CCDC85A: variants seen among roughly 807,000 people sequenced by gnomAD.
CCDC85A encodes the protein coiled-coil domain-containing protein 85A.
In CCDC85A, 38 loss-of-function variants were observed where a neutral mutation model predicts 50.2. That is an observed-to-expected ratio of 0.76 (90% CI 0.58 to 0.99). The LOEUF (loss-of-function observed/expected upper bound fraction) is 0.99, where lower values mean the gene tolerates loss of function less well. Among genes scored for constraint, CCDC85A ranks in the 50% least tolerant of loss-of-function variants. The pLI, the probability that CCDC85A is intolerant of heterozygous loss-of-function variation, is 0.00. For synonymous variants in CCDC85A, 366 were observed against 301.4 expected, an observed-to-expected ratio of 1.21 and a Z score of -2.22; for missense variants, 820 against 742.0, an observed-to-expected ratio of 1.11 and a Z score of -1.22.
chr2:56,300,207 A>G (rs1351150768), intron 2 of CCDC85A, among the ~76,000 whole-genome samples: 1 of 152,148 alleles, frequency 6.6e-6, no homozygotes, highest in Non-Finnish European at 1.5e-5. Context: ...CAGCCCTCCT[A>G]TGGGGAAGGA....
At position 56,264,515 on chromosome 2, in the gene CCDC85A, C is replaced by T. The variant is rs975581879; in HGVS notation, c.1240+71075C>T. Among the ~76,000 whole-genome samples the T allele has an allele frequency of 6.6e-5, 10 of 152,280 alleles. 1 individual carries two copies. The highest frequency in any genetic ancestry group is 5.2e-4 in the Admixed American group (8 of 15,294). The stretch of plus-strand genomic sequence containing the variant: ...TTTCAAAACATATCCAGAATCCATT[C>T]ATTTGTTCTACCTATACTGCCAACA... On this transcript the variant is annotated intron_variant, in intron 2 of 5. Coordinates refer to ENST00000407595, the MANE Select transcript of CCDC85A (RefSeq NM_001080433.2).
chr2:56,199,457 A>T (rs1050246493), intron 2 of CCDC85A, among the ~76,000 whole-genome samples: 1 of 152,154 alleles, frequency 6.6e-6, no homozygotes, highest in African/African-American at 2.4e-5. Flanking sequence ...TGTATCTGTG[A>T]TTGGAGTAAG....
At chr2:56,326,018 T>TA (rs1288847456) in intron 2 of CCDC85A, among the ~76,000 whole-genome samples, 1 of 152,130 alleles carries the variant, frequency 6.6e-6, no homozygotes, top group Non-Finnish European at 1.5e-5. Context: ...AGTATAATGA[T>TA]AAGGAAGAGG....
intron 3 of CCDC85A, among the ~76,000 whole-genome samples, chr2:56,351,703 GT>G (rs1422413912): frequency 1.4e-4 from 21 of 147,944 alleles, no homozygotes; most frequent in Non-Finnish European, 1.8e-4. Flanking sequence ...GGGGTTGTTT[GT>G]TTTTTTCTTG....
At chr2:56,308,336 T>A (rs1367049046) in intron 2 of CCDC85A, among the ~76,000 whole-genome samples, 1 of 152,186 alleles carries the variant, frequency 6.6e-6, no homozygotes, top group Non-Finnish European at 1.5e-5. Flanking sequence ...GGGGGAACGT[T>A]CATCAACAAA....
upstream of CCDC85A, chr2:56,183,944 C>T (rs1675872841): frequency 1.0e-6 from 1 of 985,372 alleles, no homozygotes; most frequent in Non-Finnish European, 1.2e-6. Context: ...TTACGGGTGG[C>T]CCCAGCTCCA....
chr2:56,325,366 T>C (rs910774358), intron 2 of CCDC85A, among the ~76,000 whole-genome samples: 1 of 152,124 alleles, frequency 6.6e-6, no homozygotes, highest in Non-Finnish European at 1.5e-5. Flanking sequence ...TAAATATTGA[T>C]ATATATTCTC....
chr2:56,360,181 G>T (rs1675451364), intron 3 of CCDC85A, among the ~76,000 whole-genome samples: 1 of 152,224 alleles, frequency 6.6e-6, no homozygotes, highest in Admixed American at 6.5e-5. Context: ...TTAACCAAAT[G>T]CATTCACAAT....
intron 2 of CCDC85A, among the ~76,000 whole-genome samples, chr2:56,315,397 T>A (rs1251604462): frequency 6.6e-6 from 1 of 152,176 alleles, no homozygotes. Flanking sequence ...GTGACTTTTT[T>A]AGTGGTTGAA....
chr2:56,318,191 T>C (rs1673006258), intron 2 of CCDC85A, among the ~76,000 whole-genome samples: 3 of 152,082 alleles, frequency 2.0e-5, no homozygotes, highest in Admixed American at 2.0e-4. Flanking sequence ...TTCTTTCTTA[T>C]TGTGTTCTCT....
intron 1 of CCDC85A, among the ~76,000 whole-genome samples, chr2:56,190,518 A>T (rs1338928999): frequency 6.6e-6 from 1 of 152,216 alleles, no homozygotes; most frequent in Non-Finnish European, 1.5e-5. Flanking sequence ...TACAAATTGC[A>T]GTAAGTCTGA....
At chr2:56,377,577 G>T (rs1317729505) in intron 5 of CCDC85A, among the ~76,000 whole-genome samples, 2 of 152,120 alleles carry the variant, frequency 1.3e-5, no homozygotes, top group Non-Finnish European at 2.9e-5. Flanking sequence ...TAAAAGGAAG[G>T]GGAGGGCAAG....
chr2:56,282,039 C>T (rs1037285849), intron 2 of CCDC85A, among the ~76,000 whole-genome samples: 4 of 152,010 alleles, frequency 2.6e-5, no homozygotes, highest in Admixed American at 6.6e-5. Flanking sequence ...TTTTTAACTA[C>T]AACTTTAATT....
intron 2 of CCDC85A, among the ~76,000 whole-genome samples, chr2:56,293,399 A>G (rs1039477115): frequency 1.3e-5 from 2 of 152,204 alleles, no homozygotes; most frequent in Admixed American, 1.3e-4. Context: ...AGGCAGTACC[A>G]TTCAGGACAT....
chr2:56,197,615 T>A (rs547429249), intron 2 of CCDC85A, among the ~76,000 whole-genome samples: 7 of 152,210 alleles, frequency 4.6e-5, no homozygotes, highest in Non-Finnish European at 7.4e-5. Flanking sequence ...CCTCAGTGAG[T>A]CATTTTGCTT....
intron 3 of CCDC85A, among the ~76,000 whole-genome samples, chr2:56,347,480 T>C (rs1674684279): frequency 2.6e-5 from 4 of 152,264 alleles, no homozygotes; most frequent in African/African-American, 9.6e-5. Flanking sequence ...CTGAGATTTG[T>C]TAGATGTTTA....
Position 56,192,894 on chromosome 2 carries a change from G to A in CCDC85A, c.694G>A (p.Gly232Ser). 4 of 1,611,292 alleles carry A rather than the reference G, an allele frequency of 2.5e-6. No homozygotes were observed. The highest frequency in any genetic ancestry group is 3.4e-6 in the Non-Finnish European group (4 of 1,178,072). The change falls in exon 2 of 6, where the codon GGC becomes AGC. Residue 232 changes from glycine to serine, a missense_variant. Transcript: ENST00000407595. The surrounding 1 kb of genome is among the most constrained non-coding windows in gnomAD (Gnocchi z 4.7). ...PDHHKHHASS[G>S]SPEHLQKPRS... ...CCACCACAAGCACCACGCGAGCAGT[G>A]GCAGCCCGGAGCACCTGCAGAAGCC...
rs769765007 is a variant in CCDC85A at position 56,193,401 on chromosome 2, G to A, written c.1201G>A (p.Gly401Arg). The A allele has an allele frequency of 2.5e-6, 4 of 1,610,572 alleles. No homozygotes were observed. The South Asian group carries it at 3.3e-5, about 13-fold the overall frequency. The change falls in exon 2 of 6, where the codon GGG (glycine) becomes AGG (arginine). Residue 401 changes from glycine to arginine, a missense_variant. Coordinates refer to ENST00000407595, the MANE Select transcript of CCDC85A (RefSeq NM_001080433.2). The stretch of plus-strand genomic sequence containing the variant: ...CCTCAGACGGCAGGCACAGGAGGAC[G>A]GGTCACCCCATCACCGGAATGTCTA... ...GTLRRQAQED[G>R]SPHHRNVYSG...
At chr2:56,242,075 G>T (rs1669283929) in intron 2 of CCDC85A, among the ~76,000 whole-genome samples, 1 of 152,122 alleles carries the variant, frequency 6.6e-6, no homozygotes, top group African/African-American at 2.4e-5. Flanking sequence ...TTTCTCTGAT[G>T]ATTAGTGATG....
Sources: allele counts gnomAD v4.1 joint callset (sites outside exome capture counted in the v4.1 genomes callset), GRCh38; gene constraint gnomAD v4.1.1; non-coding constraint Gnocchi (gnomAD v3.1); transcripts MANE v1.5; gene names NCBI Gene and HGNC (gene_info 2026-07-23, HGNC 2026-07-21).